FSBP: variants seen among roughly 807,000 people sequenced by gnomAD.
The protein encoded by FSBP is fibrinogen silencer binding protein.
FSBP carries 18 observed loss-of-function variants against 24.6 expected under a neutral mutation model. That is an observed-to-expected ratio of 0.73 (90% CI 0.51 to 1.08). The LOEUF (loss-of-function observed/expected upper bound fraction) is 1.08, where lower values mean the gene tolerates loss of function less well. FSBP is among the 50% of genes least tolerant of loss of function. FSBP has a pLI of 0.00. For synonymous variants in FSBP, 110 were observed against 125.8 expected, an observed-to-expected ratio of 0.87 and a Z score of 0.84; for missense variants, 305 against 347.6, an observed-to-expected ratio of 0.88 and a Z score of 0.98.
In FSBP at chr8:94,429,534, A is replaced by G; in HGVS notation, c.*2597T>C. 1.0e-6 allele frequency: 1 copy of G among 984,478 alleles called. No homozygotes were observed. Among genetic ancestry groups the G allele is most frequent in the African/African-American group, 1.7e-5 (1 of 57,350 alleles). The allele number at this position is 984,478 out of a possible 1,614,324, so 61.0% of individuals were successfully genotyped here. A position where few individuals can be genotyped will look rare whatever the true frequency, so the allele number is the denominator to read the frequency against. On this transcript the variant is annotated 3_prime_UTR_variant, in exon 2 of 2. Transcript: ENST00000481490. ...TATCAATTCTTAGTAGCATGCTGAAACTGTAAAGTGAATTACATCTCATAT... is the reference window on the plus strand; with the variant it reads ...TATCAATTCTTAGTAGCATGCTGAAGCTGTAAAGTGAATTACATCTCATAT...
chr8:94,435,562 T>A (rs1812232406), intron 1 of FSBP, among the ~76,000 whole-genome samples: 1 of 152,218 alleles, frequency 6.6e-6, no homozygotes, highest in East Asian at 1.9e-4. Flanking sequence ...TAAATTACCC[T>A]AAATGGTTCA....
rs768907245 is a variant in FSBP at position 94,430,424 on chromosome 8, G to A, written c.*1707C>T. 8.0e-5 allele frequency: 79 copies of A among 985,014 alleles called. No homozygotes were observed. Among genetic ancestry groups the A allele is most frequent in the Non-Finnish European group, 9.3e-5 (77 of 829,856 alleles). The allele number at this position is 985,014 out of a possible 1,614,324, so 61.0% of individuals were successfully genotyped here. A position where few individuals can be genotyped will look rare whatever the true frequency, so the allele number is the denominator to read the frequency against. ...CTCTTCGACAAAAATTTTGAGACTA[G>A]TATGATTTAGGCACCAAGCGAGGTT... is the stretch of plus-strand genomic sequence containing the variant. On this transcript the variant is annotated 3_prime_UTR_variant, in exon 2 of 2. Transcript: ENST00000481490.
At chr8:94,435,001 G>T (rs1381582590) in intron 1 of FSBP, among the ~76,000 whole-genome samples, 1 of 151,608 alleles carries the variant, frequency 6.6e-6, no homozygotes, top group Admixed American at 6.6e-5. Flanking sequence ...TTTAAAATAT[G>T]CAACTAACTA....
At chr8:94,433,443 A>G (rs1812169957) in intron 1 of FSBP, among the ~76,000 whole-genome samples, 1 of 151,668 alleles carries the variant, frequency 6.6e-6, no homozygotes, top group South Asian at 2.1e-4. Context: ...TGAATGACTG[A>G]AAAAAAACAA....
rs1225391222 is a variant in FSBP at position 94,427,797 on chromosome 8, A to G, written c.*4334T>C. The G allele has an allele frequency of 9.4e-6, 9 of 957,182 alleles. No homozygotes were observed. The African/African-American group carries it at 1.4e-4, about 15-fold the overall frequency. 59.3% of individuals were successfully genotyped at this position (957,182 alleles called of 1,614,324 possible). On this transcript the variant is annotated 3_prime_UTR_variant, in exon 2 of 2. Transcript: ENST00000481490. Reference sequence around the variant, plus strand: ...ATTATCTACAGTATATATTAAACACAATTTATTACACTCTAAGTTATTTAA... The same window carrying G: ...ATTATCTACAGTATATATTAAACACGATTTATTACACTCTAAGTTATTTAA...
At position 94,432,623 on chromosome 8, in the gene FSBP, G is replaced by A. The variant is rs1326769244; in HGVS notation, c.408C>T (p.Thr136=). Residue 136 remains threonine (T), a synonymous_variant, in exon 2 of 2, where the codon ACC becomes ACT. Coordinates refer to ENST00000481490, the MANE Select transcript of FSBP (RefSeq NM_001256141.2). The stretch of plus-strand genomic sequence containing the variant: ...GATCCAACATTACCTGTAGTGAACT[G>A]GTACCAGCCTGTGCCTCCTCATCCA... ...ANLDEEAQAG[T]SSLQVMLDHH... is the part of the protein sequence containing the mutation. 6.5e-7 allele frequency: 1 copy of A among 1,545,006 alleles called. No homozygotes were observed. The highest frequency in any genetic ancestry group is 1.4e-5 in the African/African-American group (1 of 72,868).
Position 94,429,594 on chromosome 8 carries a change from C to G in FSBP, c.*2537G>C. On this transcript the variant is annotated 3_prime_UTR_variant, in exon 2 of 2. Coordinates refer to ENST00000481490, the MANE Select transcript of FSBP (RefSeq NM_001256141.2). ...CAATAATTTCAAAAAATAAAGCTTA[C>G]TACTGCCAAGATGTGTTTACTAGAA... 1 of 983,192 alleles carries G rather than the reference C, an allele frequency of 1.0e-6. No individual in the cohort carries two copies. The highest frequency in any genetic ancestry group is 1.2e-6 in the Non-Finnish European group (1 of 827,984). 60.9% of individuals were successfully genotyped at this position (983,192 alleles called of 1,614,324 possible).
Position 94,436,711 on chromosome 8 carries a change from T to G in FSBP, c.158A>C (p.Tyr53Ser). 1.9e-6 allele frequency: 3 copies of G among 1,550,750 alleles called. No individual in the cohort carries two copies. The highest frequency in any genetic ancestry group is 2.6e-6 in the Non-Finnish European group (3 of 1,146,998). The change falls in exon 1 of 2, where the codon TAT (tyrosine) becomes TCT (serine). Residue 53 changes from tyrosine (Y) to serine (S), a missense_variant. Tyr to Ser is a moderately radical substitution (Grantham distance 144). Coordinates refer to ENST00000481490, the MANE Select transcript of FSBP (RefSeq NM_001256141.2). ...NRCWDIIAVNYNAIGVDRPPR... is the reference protein window; with the variant it reads ...NRCWDIIAVNSNAIGVDRPPR... ...AGGGCGGTCTACTCCAATTGCATTATAGTTAACTGCTATGATATCCCAACA... is the reference window on the plus strand; with the variant it reads ...AGGGCGGTCTACTCCAATTGCATTAGAGTTAACTGCTATGATATCCCAACA...
At position 94,429,253 on chromosome 8, in the gene FSBP, A is replaced by G; in HGVS notation, c.*2878T>C. The G allele has an allele frequency of 1.9e-6, 1 of 526,824 alleles. No individual in the cohort carries two copies. Among genetic ancestry groups the G allele is most frequent in the Non-Finnish European group, 2.4e-6 (1 of 411,160 alleles). The allele number at this position is 526,824 out of a possible 1,614,324, so 32.6% of individuals were successfully genotyped here. ...ATCTTAAACAATGCTGCAGAAAAAT[A>G]TGATTGTAGCAGACTATGTTTATGC... On this transcript the variant is annotated 3_prime_UTR_variant, in exon 2 of 2. Transcript: ENST00000481490.
intron 1 of FSBP, among the ~76,000 whole-genome samples, chr8:94,434,106 A>G (rs1156741163): frequency 6.6e-6 from 1 of 151,898 alleles, no homozygotes; most frequent in Non-Finnish European, 1.5e-5. Flanking sequence ...TGTAATTCAA[A>G]GTAGCAAGCT....
At position 94,428,736 on chromosome 8, in the gene FSBP, A is replaced by G; in HGVS notation, c.*3395T>C. 1.0e-6 allele frequency: 1 copy of G among 983,246 alleles called. No individual in the cohort carries two copies. Among genetic ancestry groups the G allele is most frequent in the South Asian group, 4.7e-5 (1 of 21,246 alleles). The allele number at this position is 983,246 out of a possible 1,614,324, so 60.9% of individuals were successfully genotyped here. On this transcript the variant is annotated 3_prime_UTR_variant, in exon 2 of 2. Coordinates refer to ENST00000481490, the MANE Select transcript of FSBP (RefSeq NM_001256141.2). Reference sequence around the variant, plus strand: ...CCTGCAGATAGAAAGCCAAGTGTACATTCCATTGTACTAGCAAACTTTCCC... The same window carrying G: ...CCTGCAGATAGAAAGCCAAGTGTACGTTCCATTGTACTAGCAAACTTTCCC...
intron 1 of FSBP, among the ~76,000 whole-genome samples, chr8:94,433,215 A>G (rs564574476): frequency 3.3e-5 from 5 of 152,292 alleles, no homozygotes; most frequent in African/African-American, 1.2e-4. Context: ...GATATGCTCA[A>G]CTACTGGAGG....
rs1812037367 is a variant in FSBP at position 94,429,675 on chromosome 8, GAA to G, written c.*2454_*2455del. 1 of 983,314 alleles carries G rather than the reference GAA, an allele frequency of 1.0e-6. No homozygotes were observed. The highest frequency in any genetic ancestry group is 1.2e-6 in the Non-Finnish European group (1 of 828,140). 60.9% of individuals were successfully genotyped at this position (983,314 alleles called of 1,614,324 possible). A position where few individuals can be genotyped will look rare whatever the true frequency, so the allele number is the denominator to read the frequency against. On this transcript the variant is annotated 3_prime_UTR_variant, in exon 2 of 2. Transcript: ENST00000481490. ...AATTACAAGATTCATTAGACTCAAA[GAA>G]AAGTCATAGCACAGATTAAAGAGAA...
At position 94,432,003 on chromosome 8, in the gene FSBP, T is replaced by C; in HGVS notation, c.*128A>G. ...AAGAAAATAATTAGAAAATTATATC[T>C]AAAAAGTTTTTCCATAATAGAGATT... On this transcript the variant is annotated 3_prime_UTR_variant, in exon 2 of 2. Transcript: ENST00000481490. The C allele has an allele frequency of 7.6e-7, 1 of 1,311,908 alleles. No individual in the cohort carries two copies. The highest frequency in any genetic ancestry group is 9.7e-7 in the Non-Finnish European group (1 of 1,029,668). 81.3% of individuals were successfully genotyped at this position (1,311,908 alleles called of 1,614,324 possible).
At position 94,430,761 on chromosome 8, in the gene FSBP, T is replaced by TA. The variant is rs1294070422; in HGVS notation, c.*1369dup. On this transcript the variant is annotated 3_prime_UTR_variant, in exon 2 of 2. Transcript: ENST00000481490. ...ATTTTAAAATTGGAAGATTCCTCATTAAAAAATGCAGATTTCTGGTTTATC... is the reference window on the plus strand; with the variant it reads ...ATTTTAAAATTGGAAGATTCCTCATTAAAAAAATGCAGATTTCTGGTTTATC... 2 of 983,234 alleles carry TA rather than the reference T, an allele frequency of 2.0e-6. No individual in the cohort carries two copies. Among genetic ancestry groups the TA allele is most frequent in the Non-Finnish European group, 2.4e-6 (2 of 828,066 alleles). 60.9% of individuals were successfully genotyped at this position (983,234 alleles called of 1,614,324 possible). A position where few individuals can be genotyped will look rare whatever the true frequency, so the allele number is the denominator to read the frequency against.
At position 94,429,558 on chromosome 8, in the gene FSBP, A is replaced by C. The variant is rs554684856; in HGVS notation, c.*2573T>G. ...AACTGTAAAGTGAATTACATCTCATATATGTGCTTTCAATAATTTCAAAAA... is the reference window on the plus strand; with the variant it reads ...AACTGTAAAGTGAATTACATCTCATCTATGTGCTTTCAATAATTTCAAAAA... On this transcript the variant is annotated 3_prime_UTR_variant, in exon 2 of 2. Transcript: ENST00000481490. 30 of 982,764 alleles carry C rather than the reference A, an allele frequency of 3.1e-5. No homozygotes were observed. The South Asian group carries it at 1.3e-3, about 43-fold the overall frequency. 60.9% of individuals were successfully genotyped at this position (982,764 alleles called of 1,614,324 possible).
chr8:94,432,824 T>C (rs185859044), intron 1 of FSBP, among the ~76,000 whole-genome samples, 168 bp from the exon 2 acceptor site: 2 of 152,136 alleles, frequency 1.3e-5, no homozygotes, highest in Admixed American at 1.3e-4. Flanking sequence ...GTGACTAAGA[T>C]TGGGATTTCA....
In FSBP at chr8:94,432,017, A is replaced by G. The variant is rs1812109717; in HGVS notation, c.*114T>C. ...AAAATTATATCTAAAAAGTTTTTCC[A>G]TAATAGAGATTAACAACATTTTTCA... On this transcript the variant is annotated 3_prime_UTR_variant, in exon 2 of 2. Transcript: ENST00000481490. 4.4e-6 allele frequency: 6 copies of G among 1,371,460 alleles called. No individual in the cohort carries two copies. Among genetic ancestry groups the G allele is most frequent in the African/African-American group, 1.5e-5 (1 of 68,352 alleles). 85.0% of individuals were successfully genotyped at this position (1,371,460 alleles called of 1,614,324 possible).
chr8:94,429,754 A>G lies in FSBP; in HGVS notation c.*2377T>C. 1.0e-6 allele frequency: 1 copy of G among 984,716 alleles called. No homozygotes were observed. The highest frequency in any genetic ancestry group is 1.2e-6 in the Non-Finnish European group (1 of 829,266). The allele number at this position is 984,716 out of a possible 1,614,324, so 61.0% of individuals were successfully genotyped here. Reference sequence around the variant, plus strand: ...CAAGTTATATATTCAGGACATCTTTATAATTAAAGAAGTTAACTCTACCAG... The same window carrying G: ...CAAGTTATATATTCAGGACATCTTTGTAATTAAAGAAGTTAACTCTACCAG... On this transcript the variant is annotated 3_prime_UTR_variant, in exon 2 of 2. Transcript: ENST00000481490.
Sources: gnomAD v4.1 joint callset for allele counts (sites outside exome capture counted in the v4.1 genomes callset) on GRCh38, gnomAD v4.1.1 for gene constraint, MANE v1.5 for transcripts, NCBI Gene and HGNC (gene_info 2026-07-23, HGNC 2026-07-21) for gene names.